Variants in ARNT2 observed in about 807,000 individuals in gnomAD.
The protein encoded by ARNT2 is ARNT protein 2.
A neutral mutation model predicts 91.7 loss-of-function variants in ARNT2; 36 were observed. The ratio of observed to expected loss-of-function variants is 0.39; its 90% confidence interval spans 0.30 to 0.52. The LOEUF is 0.52. Ranked by LOEUF, ARNT2 falls within the 20% of genes least tolerant of loss-of-function variation. The pLI is 0.72. For missense variants in ARNT2, 775 were observed against 939.3 expected (o/e 0.83, Z 2.29); for synonymous variants, 365 against 347.1 (o/e 1.05, Z -0.57).
At chr15:80,419,152 A>T (rs1895827210) in intron 1 of ARNT2, among the ~76,000 whole-genome samples, 1 of 152,172 alleles carries the variant, frequency 6.6e-6, no homozygotes, top group African/African-American at 2.4e-5. Context: ...CCCAGGGATC[A>T]CCAGGAGGGC....
intron 2 of ARNT2, among the ~76,000 whole-genome samples, chr15:80,453,806 G>C (rs577902906): frequency 4.6e-4 from 70 of 152,260 alleles, no homozygotes; most frequent in African/African-American, 1.5e-3. Flanking sequence ...AGAGAGAGGA[G>C]GAATGGGGGT....
At chr15:80,437,492 C>A (rs984359867) in intron 1 of ARNT2, among the ~76,000 whole-genome samples, 1 of 152,190 alleles carries the variant, frequency 6.6e-6, no homozygotes, top group Non-Finnish European at 1.5e-5. Context: ...TGATCACACC[C>A]AGGACACAGT....
At chr15:80,436,323 G>C (rs940785512) in intron 1 of ARNT2, 1 of 154,366 alleles carries the variant, frequency 6.5e-6, no homozygotes, top group Non-Finnish European at 1.5e-5. Flanking sequence ...ATCACTGAAG[G>C]GTGTGGTGAT....
At chr15:80,507,629 A>G (rs1167749737) in intron 5 of ARNT2, among the ~76,000 whole-genome samples, 2 of 152,152 alleles carry the variant, frequency 1.3e-5, no homozygotes, top group African/African-American at 4.8e-5. Context: ...TGCATAGGGA[A>G]CATGTACAGT....
chr15:80,419,886 G>A (rs183890584), intron 1 of ARNT2, among the ~76,000 whole-genome samples: 13 of 152,284 alleles, frequency 8.5e-5, no homozygotes, highest in Admixed American at 3.9e-4. Context: ...GCTTTGGAAC[G>A]CAGTGTAAGG....
chr15:80,449,449 C>T (rs1896355165), intron 1 of ARNT2, among the ~76,000 whole-genome samples: 1 of 152,156 alleles, frequency 6.6e-6, no homozygotes, highest in Admixed American at 6.5e-5. Context: ...GCTTTTAATA[C>T]TGTCTAGCTG....
intron 8 of ARNT2, among the ~76,000 whole-genome samples, chr15:80,547,126 C>T (rs1898002766): frequency 6.6e-6 from 1 of 152,108 alleles, no homozygotes; most frequent in Non-Finnish European, 1.5e-5. Flanking sequence ...CCTGGGAGTC[C>T]CTGAAACGTC....
chr15:80,471,025 T>C (rs946154044), intron 4 of ARNT2, among the ~76,000 whole-genome samples: 1 of 152,268 alleles, frequency 6.6e-6, no homozygotes, highest in Admixed American at 6.5e-5. Flanking sequence ...ACCCCATTAC[T>C]GGGTTTATAC....
rs148366197 is a variant in ARNT2 at position 80,597,169 on chromosome 15, T to C, written c.*3471T>C. On this transcript the variant is annotated 3_prime_UTR_variant, in exon 19 of 19. Coordinates refer to ENST00000303329, the MANE Select transcript of ARNT2 (RefSeq NM_014862.4). Reference sequence around the variant, plus strand: ...TGCAAACATCAGTGTCCTTCTAGCTTTAGCCGAGAAAGAAACCAGTCCCAG... The same window carrying C: ...TGCAAACATCAGTGTCCTTCTAGCTCTAGCCGAGAAAGAAACCAGTCCCAG... 4.6e-5 allele frequency: 24 copies of C among 518,580 alleles called. No homozygotes were observed. The highest frequency in any genetic ancestry group is 8.9e-5 in the Non-Finnish European group (23 of 259,798). The allele number at this position is 518,580 out of a possible 1,614,324, so 32.1% of individuals were successfully genotyped here. A position where few individuals can be genotyped will look rare whatever the true frequency, so the allele number is the denominator to read the frequency against.
intron 3 of ARNT2, among the ~76,000 whole-genome samples, chr15:80,460,009 A>C (rs1567185299): frequency 6.6e-6 from 1 of 152,152 alleles, no homozygotes; most frequent in East Asian, 1.9e-4. Flanking sequence ...GGAGGAGTGG[A>C]GAATCTGCTT....
chr15:80,463,471 TGG>T (rs1896591388), intron 3 of ARNT2, among the ~76,000 whole-genome samples: 1 of 151,846 alleles, frequency 6.6e-6, no homozygotes, highest in African/African-American at 2.4e-5. Context: ...GTTGCTTCAG[TGG>T]GTTAGGGTTA....
chr15:80,532,253 C>T (rs890937675), intron 8 of ARNT2, among the ~76,000 whole-genome samples: 3 of 152,226 alleles, frequency 2.0e-5, no homozygotes, highest in African/African-American at 7.2e-5. Flanking sequence ...AGTCAGGACA[C>T]CTCTTTGGTC....
At chr15:80,521,089 G>T (rs1026461529) in intron 8 of ARNT2, among the ~76,000 whole-genome samples, 1 of 152,166 alleles carries the variant, frequency 6.6e-6, no homozygotes, top group Non-Finnish European at 1.5e-5. Flanking sequence ...TTCTTGAACA[G>T]TTGTTGGCCA....
chr15:80,554,424 A>G (rs1005311332), intron 10 of ARNT2, among the ~76,000 whole-genome samples: 2 of 152,238 alleles, frequency 1.3e-5, no homozygotes, highest in East Asian at 1.9e-4. Flanking sequence ...AATAAAAAAC[A>G]TAAAATAAAT....
rs773097189 is a variant in ARNT2 at position 80,580,450 on chromosome 15, G to A, written c.1653G>A (p.Gln551=). Residue 551 remains glutamine, a synonymous_variant, in exon 16 of 19, where the codon CAG becomes CAA. Coordinates refer to ENST00000303329, the MANE Select transcript of ARNT2 (RefSeq NM_014862.4). The part of the protein sequence containing the change: ...VVHVPGVNDI[Q]SSSSTGQNMS... ...ATGTGCCTGGAGTGAATGATATTCAGTCCTCTTCTTCCACGGGCCAGAACA... is the reference window on the plus strand; with the variant it reads ...ATGTGCCTGGAGTGAATGATATTCAATCCTCTTCTTCCACGGGCCAGAACA... 7 of 1,614,088 alleles carry A rather than the reference G, an allele frequency of 4.3e-6. No homozygotes were observed. The East Asian group carries it at 1.6e-4, about 36-fold the overall frequency.
At chr15:80,549,116 T>C (rs1263023446) in intron 8 of ARNT2, among the ~76,000 whole-genome samples, 2 of 152,126 alleles carry the variant, frequency 1.3e-5, no homozygotes, top group Non-Finnish European at 2.9e-5. Context: ...TATGATAAAG[T>C]TGGCATCTCA....
intron 5 of ARNT2, among the ~76,000 whole-genome samples, chr15:80,485,066 C>T (rs1037570633): frequency 6.6e-6 from 1 of 152,158 alleles, no homozygotes; most frequent in Non-Finnish European, 1.5e-5. Flanking sequence ...GTAGAGAGTT[C>T]ATTCATTTGT....
At chr15:80,505,927 G>GTTTTGTTTTTTTTTT (rs1897267122) in intron 5 of ARNT2, among the ~76,000 whole-genome samples, 5 of 88,930 alleles carry the variant, frequency 5.6e-5, no homozygotes, top group Admixed American at 2.6e-4. Flanking sequence ...AACATTTGTT[G>GTTTTGTTTTTTTTTT]TTTTTTTTTT....
rs748927856 is a variant in ARNT2, at chr15:80,551,183, G to C, written c.878-16G>C. On this transcript the variant is annotated splice_polypyrimidine_tract_variant and intron_variant, in intron 8 of 18. Transcript: ENST00000303329. ...CTTGGGCATATTGTTGATGACACAG[G>C]TATTTCCCATTTCAGGAATGACCAT... The C allele has an allele frequency of 6.2e-7, 1 of 1,611,432 alleles. No homozygotes were observed. The highest frequency in any genetic ancestry group is 1.1e-5 in the South Asian group (1 of 90,982).
Sources: allele counts gnomAD v4.1 joint callset (sites outside exome capture counted in the v4.1 genomes callset), GRCh38; gene constraint gnomAD v4.1.1; transcripts MANE v1.5; gene names NCBI Gene and HGNC (gene_info 2026-07-23, HGNC 2026-07-21).